The following COPS7A variants were observed in gnomAD, a reference collection of about 807,000 sequenced individuals.
COPS7A encodes COP9 signalosome subunit 7A.
A neutral mutation model predicts 35.2 loss-of-function variants in COPS7A; 20 were observed. That is an observed-to-expected ratio of 0.57 (90% CI 0.40 to 0.83). COPS7A has a LOEUF of 0.83. Ranked by LOEUF, COPS7A falls within the 40% of genes least tolerant of loss-of-function variation. The pLI, the probability that COPS7A is intolerant of heterozygous loss-of-function variation, is 0.00. For missense variants in COPS7A, 247 were observed against 347.5 expected (o/e 0.71, Z 2.30); for synonymous variants, 139 against 141.4 (o/e 0.98, Z 0.12).
Position 6,729,371 on chromosome 12 carries a change from G to T in COPS7A, c.452G>T (p.Arg151Leu). Residue 151 changes from arginine (R) to leucine (L), a missense_variant, in exon 5 of 8, where the codon CGG (arginine) becomes CTG (leucine). Coordinates refer to ENST00000543155, the MANE Select transcript of COPS7A (RefSeq NM_001164094.2). This position sits in a 1 kb window ranked among gnomAD's most constrained non-coding sequence, Gnocchi z 4.2. ...GGCTCCCTGGACCAGCGCAACCAGC[G>T]GCTCGAGGTTGACTACAGCATCGGG... is the stretch of plus-strand genomic sequence containing the variant. ...LRGSLDQRNQRLEVDYSIGRD... is the reference protein window; with the variant it reads ...LRGSLDQRNQLLEVDYSIGRD... 1.2e-6 allele frequency: 2 copies of T among 1,614,176 alleles called. No homozygotes were observed. Among genetic ancestry groups the T allele is most frequent in the Non-Finnish European group, 1.7e-6 (2 of 1,180,032 alleles).
chr12:6,727,724 G>A (rs1335446700), intron 2 of COPS7A: 1 of 683,552 alleles, frequency 1.5e-6, no homozygotes, highest in Non-Finnish European at 2.7e-6. Context: ...TGGGAGAATA[G>A]TGTAAACAAA....
Position 6,730,693 on chromosome 12 carries a change from A to G in COPS7A, c.661A>G (p.Lys221Glu), listed in dbSNP as rs1326368978. The change falls in exon 7 of 8, where the codon AAA (lysine) becomes GAA (glutamate). Residue 221 changes from lysine (K) to glutamate (E), a missense_variant. Physicochemically the swap from Lys to Glu is moderately conservative, Grantham distance 56 (BLOSUM62 1). Transcript: ENST00000543155. ...SEVANLKKTI[K>E]VTTAAAAAAT... ...GGTTGCCAACCTTAAAAAAACCATT[A>G]AAGTTACGACGGCAGCAGCAGCCGC... is the stretch of plus-strand genomic sequence containing the variant. 6.2e-7 allele frequency: 1 copy of G among 1,614,158 alleles called. No individual in the cohort carries two copies. Among genetic ancestry groups the G allele is most frequent in the East Asian group, 2.2e-5 (1 of 44,874 alleles).
At chr12:6,727,303 C>G (rs1941281439) in intron 2 of COPS7A, among the ~76,000 whole-genome samples, 1 of 144,486 alleles carries the variant, frequency 6.9e-6, no homozygotes, top group South Asian at 2.2e-4. Context: ...CGCCACTGCA[C>G]TCCAGCCTGG....
chr12:6,724,761 G>A lies in COPS7A; in HGVS notation c.105G>A (p.Leu35=). 1 of 1,614,176 alleles carries A rather than the reference G, an allele frequency of 6.2e-7. No individual in the cohort carries two copies. Among genetic ancestry groups the A allele is most frequent in the Non-Finnish European group, 8.5e-7 (1 of 1,180,020 alleles). The change falls in exon 2 of 8, where the codon CTG becomes CTA. Residue 35 remains leucine (L), a synonymous_variant. Transcript: ENST00000543155. ...AALATLIHQV[L]EAPGVYVFGE... ...TGGCCACACTCATCCATCAGGTGCT[G>A]GAGGCCCCTGGTGTCTACGTGTTTG...
At position 6,731,575 on chromosome 12, in the gene COPS7A, C is replaced by G. The variant is rs1461874646; in HGVS notation, c.*536C>G. ...ATGTTCATCCTAGAATCCTGTCACACTACAGTCATTTCTTTTCCTCTCTCT... is the reference window on the plus strand; with the variant it reads ...ATGTTCATCCTAGAATCCTGTCACAGTACAGTCATTTCTTTTCCTCTCTCT... On this transcript the variant is annotated 3_prime_UTR_variant, in exon 8 of 8. Transcript: ENST00000543155. 1 of 167,076 alleles carries G rather than the reference C, an allele frequency of 6.0e-6. No individual in the cohort carries two copies. The highest frequency in any genetic ancestry group is 1.3e-5 in the Non-Finnish European group (1 of 78,296). The allele number at this position is 167,076 out of a possible 1,614,324, so 10.3% of individuals were successfully genotyped here.
chr12:6,730,192 T>A lies in COPS7A; in HGVS notation c.531-210T>A, dbSNP rs180934423. 2.6e-5 allele frequency among the ~76,000 whole-genome samples: 4 copies of A among 152,330 alleles called. No individual in the cohort carries two copies. In the East Asian group the frequency reaches 7.7e-4, roughly 29 times the overall value. ...TCACCACATCCAGCTAGTTTTTGTA[T>A]TTTTTGTAGAGACGGATTTTTGCCA... On this transcript the variant is annotated intron_variant, in intron 5 of 7. Transcript: ENST00000543155.
Position 6,730,408 on chromosome 12 carries a change from G to A in COPS7A, c.537G>A (p.Val179=). ...TCTCCCCTGACTCCTGCAGGTGTGT[G>A]GGCTGTGAGGTCGTGCTGTCAGGCA... The part of the protein sequence containing the change: ...AIARTLQEWC[V]GCEVVLSGIE... Residue 179 remains valine, a synonymous_variant, in exon 6 of 8, where the codon GTG becomes GTA. Coordinates refer to ENST00000543155, the MANE Select transcript of COPS7A (RefSeq NM_001164094.2). The A allele has an allele frequency of 6.2e-7, 1 of 1,613,948 alleles. No individual in the cohort carries two copies. Among genetic ancestry groups the A allele is most frequent in the Admixed American group, 1.7e-5 (1 of 60,000 alleles).
At position 6,730,748 on chromosome 12, in the gene COPS7A, T is replaced by A. The variant is rs1941371433; in HGVS notation, c.716T>A (p.Leu239Gln). 6.2e-7 allele frequency: 1 copy of A among 1,613,988 alleles called. No individual in the cohort carries two copies. The highest frequency in any genetic ancestry group is 1.3e-5 in the African/African-American group (1 of 74,904). The change falls in exon 7 of 8, where the codon CTG (leucine) becomes CAG (glutamine). Residue 239 changes from leucine to glutamine, a missense_variant. By Grantham distance (113) the Leu-to-Gln change is moderately radical. Coordinates refer to ENST00000543155, the MANE Select transcript of COPS7A (RefSeq NM_001164094.2). The part of the protein sequence containing the change: ...AATSQDPEQH[L>Q]TELREPAPGT... ...ACATCTCAGGACCCTGAGCAACACC[T>A]GACTGAGCTGAGGGAACCAGCTCCT... is the stretch of plus-strand genomic sequence containing the variant.
At chr12:6,725,889 G>C (rs1275608104) in intron 2 of COPS7A, 1 of 455,964 alleles carries the variant, frequency 2.2e-6, no homozygotes, top group African/African-American at 2.0e-5. Context: ...ATCAATCAAA[G>C]TGATGAAAAA....
At position 6,729,393 on chromosome 12, in the gene COPS7A, C is replaced by A. The variant is rs149356254; in HGVS notation, c.474C>A (p.Ile158=). The A allele has an allele frequency of 1.5e-5, 25 of 1,614,028 alleles. No homozygotes were observed. In the African/African-American group the frequency reaches 2.9e-4, roughly 19 times the overall value. Residue 158 remains isoleucine, a synonymous_variant, in exon 5 of 8, where the codon ATC becomes ATA. Transcript: ENST00000543155. The surrounding 1 kb of genome is among the most constrained non-coding windows in gnomAD (Gnocchi z 4.2). The stretch of plus-strand genomic sequence containing the variant: ...AGCGGCTCGAGGTTGACTACAGCAT[C>A]GGGCGGGACATCCAGCGCCAGGACC... The part of the protein sequence containing the change: ...RNQRLEVDYS[I]GRDIQRQDLS...
rs761088141 is a variant in COPS7A at position 6,724,738 on chromosome 12, G to A, written c.82G>A (p.Ala28Thr). ...CAAGTCGGCCAAGGGGGCAGCGCTGGCCACACTCATCCATCAGGTGCTGGA... is the reference window on the plus strand; with the variant it reads ...CAAGTCGGCCAAGGGGGCAGCGCTGACCACACTCATCCATCAGGTGCTGGA... ...LAKSAKGAAL[A>T]TLIHQVLEAP... Residue 28 changes from alanine (A) to threonine (T), a missense_variant, in exon 2 of 8, where the codon GCC becomes ACC. By Grantham distance (58) the Ala-to-Thr change is moderately conservative. Coordinates refer to ENST00000543155, the MANE Select transcript of COPS7A (RefSeq NM_001164094.2). 1.9e-6 allele frequency: 3 copies of A among 1,614,188 alleles called. No homozygotes were observed. Among genetic ancestry groups the A allele is most frequent in the Admixed American group, 3.3e-5 (2 of 60,016 alleles).
At position 6,724,587 on chromosome 12, in the gene COPS7A, C is replaced by T. The variant is rs753206913; in HGVS notation, c.-43-27C>T. 8.8e-6 allele frequency: 14 copies of T among 1,598,242 alleles called. No homozygotes were observed. In the South Asian group the frequency reaches 1.5e-4, roughly 18 times the overall value. On this transcript the variant is annotated intron_variant, in intron 1 of 7. Coordinates refer to ENST00000543155, the MANE Select transcript of COPS7A (RefSeq NM_001164094.2). ...CCATCCGACCAGCCATCGGGGACCT[C>T]TAGCTTCACATCCTCTTTCCTTGCA... is the stretch of plus-strand genomic sequence containing the variant.
At chr12:6,727,108 A>G (rs1175397881) in intron 2 of COPS7A, among the ~76,000 whole-genome samples, 2 of 152,124 alleles carry the variant, frequency 1.3e-5, no homozygotes, top group Non-Finnish European at 2.9e-5. Flanking sequence ...AGGCCAAGGC[A>G]GGTGGATCAC....
intron 2 of COPS7A, 169 bp from the exon 3 acceptor site, chr12:6,727,757 C>G (rs1321723683): frequency 9.9e-6 from 7 of 708,174 alleles, no homozygotes; most frequent in African/African-American, 3.5e-5. Flanking sequence ...GAAATGAGCC[C>G]TTCCTATGTG....
At chr12:6,725,489 C>T (rs1321174205) in intron 2 of COPS7A, among the ~76,000 whole-genome samples, 3 of 152,052 alleles carry the variant, frequency 2.0e-5, no homozygotes, top group East Asian at 3.8e-4. Flanking sequence ...GACAATACTG[C>T]CCCTCTCTGT....
intron 1 of COPS7A, 161 bp from the exon 2 acceptor site, chr12:6,724,453 G>A: frequency 3.1e-6 from 2 of 649,406 alleles, no homozygotes; most frequent in East Asian, 5.7e-5. Context: ...CTTGCGAAGT[G>A]GCTGACTTTA....
At chr12:6,728,593 C>T (rs540497773) in intron 4 of COPS7A, among the ~76,000 whole-genome samples, 52 of 152,352 alleles carry the variant, frequency 3.4e-4, no homozygotes, top group South Asian at 2.1e-3. Context: ...ACAATACCTT[C>T]TTCCCCACTG....
At chr12:6,724,881 G>A in intron 2 of COPS7A, 63 bp downstream of exon 2, 1 of 1,553,532 alleles carries the variant, frequency 6.4e-7, no homozygotes, top group Non-Finnish European at 8.8e-7. Context: ...TTGAGAATGG[G>A]TGGGCAGGGC....
intron 3 of COPS7A, 103 bp downstream of exon 3, chr12:6,728,104 A>AATCCC (rs1941302462): frequency 6.9e-7 from 1 of 1,459,768 alleles, no homozygotes; most frequent in Admixed American, 1.7e-5. Context: ...AGATCCCTGG[A>AATCCC]TGCATAGGGT....
Sources: allele counts gnomAD v4.1 joint callset (sites outside exome capture counted in the v4.1 genomes callset), GRCh38; gene constraint gnomAD v4.1.1; non-coding constraint Gnocchi (gnomAD v3.1); transcripts MANE v1.5; gene names NCBI Gene and HGNC (gene_info 2026-07-23, HGNC 2026-07-21).